The following PCDHA10 variants were observed in gnomAD, a reference collection of about 807,000 sequenced individuals.
PCDHA10 encodes the protein protocadherin alpha 10.
In PCDHA10, 45 loss-of-function variants were observed where a neutral mutation model predicts 61.2. The ratio of observed to expected loss-of-function variants is 0.74; its 90% CI spans 0.58 to 0.94. The LOEUF (loss-of-function observed/expected upper bound fraction) is 0.94. Ranked by LOEUF, PCDHA10 falls within the 40% of genes least tolerant of loss-of-function variation. PCDHA10 has a pLI of 0.00. For missense variants in PCDHA10, 1,278 were observed against 1,236.2 expected, an observed-to-expected ratio of 1.03 and a Z score of -0.51; for synonymous variants, 602 against 548.8, an observed-to-expected ratio of 1.10 and a Z score of -1.35.
chr5:140,967,114 C>T (rs782407413), intron 1 of PCDHA10: 17 of 1,612,932 alleles, frequency 1.1e-5, no homozygotes, highest in Non-Finnish European at 1.4e-5. Flanking sequence ...AGCGGCCTCG[C>T]TGCCTGCTCA....
At chr5:140,929,319 T>C in intron 1 of PCDHA10, 1 of 1,545,486 alleles carries the variant, frequency 6.5e-7, no homozygotes, top group Non-Finnish European at 8.7e-7. Flanking sequence ...CTAATGTCAA[T>C]GCCATGGTAA....
chr5:140,884,241 C>A (rs782355331), intron 1 of PCDHA10: 5 of 1,613,408 alleles, frequency 3.1e-6, no homozygotes, highest in Non-Finnish European at 4.2e-6. Flanking sequence ...GGTGAGCCCG[C>A]GCTGACGGCC....
chr5:140,896,465 C>T (rs967658819), intron 1 of PCDHA10, among the ~76,000 whole-genome samples: 8 of 151,988 alleles, frequency 5.3e-5, no homozygotes, highest in South Asian at 4.1e-4. Context: ...TGGGTTCAAG[C>T]GGTTCTCCTG....
At chr5:141,008,905 A>G (rs1212655574) in intron 3 of PCDHA10, among the ~76,000 whole-genome samples, 2 of 152,256 alleles carry the variant, frequency 1.3e-5, no homozygotes, top group African/African-American at 4.8e-5. Flanking sequence ...TAAAATTAAG[A>G]TCAAATAATT....
intron 1 of PCDHA10, among the ~76,000 whole-genome samples, chr5:140,910,641 C>G (rs1270893523): frequency 6.6e-6 from 1 of 152,206 alleles, no homozygotes; most frequent in Non-Finnish European, 1.5e-5. Context: ...CTCCCTAAAC[C>G]TTTTGATCCC....
intron 1 of PCDHA10, among the ~76,000 whole-genome samples, chr5:140,952,816 C>T (rs2094802630): frequency 6.6e-6 from 1 of 152,134 alleles, no homozygotes; most frequent in South Asian, 2.1e-4. Context: ...GCAGGCTGTA[C>T]AGGAAGCATG....
intron 1 of PCDHA10, among the ~76,000 whole-genome samples, chr5:140,888,585 AC>A (rs1327529840): frequency 4.6e-5 from 7 of 152,358 alleles, no homozygotes; most frequent in African/African-American, 1.4e-4. Flanking sequence ...ATTTGTTAGT[AC>A]ACATTCAGAG....
At chr5:140,959,331 T>C (rs1170663171) in intron 1 of PCDHA10, among the ~76,000 whole-genome samples, 1 of 152,072 alleles carries the variant, frequency 6.6e-6, no homozygotes. Flanking sequence ...GTTTTGATTA[T>C]GCTACTGCAC....
chr5:140,985,889 G>A (rs549796234), intron 3 of PCDHA10, among the ~76,000 whole-genome samples: 61 of 151,864 alleles, frequency 4.0e-4, no homozygotes, highest in Non-Finnish European at 5.7e-4. Context: ...ACAGGCGCCC[G>A]CCACCACTCC....
chr5:140,966,658 G>A (rs887585622), intron 1 of PCDHA10: 5 of 1,212,426 alleles, frequency 4.1e-6, no homozygotes, highest in Admixed American at 3.9e-5. Flanking sequence ...GAGCGGTGGG[G>A]GAGCAGGCGC....
At chr5:140,966,831 G>A in intron 1 of PCDHA10, 1 of 1,563,110 alleles carries the variant, frequency 6.4e-7, no homozygotes, top group Non-Finnish European at 8.6e-7. Flanking sequence ...CCCATGCCCT[G>A]GCTGCTGCTA....
At chr5:140,913,028 T>C (rs1483903035) in intron 1 of PCDHA10, among the ~76,000 whole-genome samples, 1 of 152,232 alleles carries the variant, frequency 6.6e-6, no homozygotes, top group Non-Finnish European at 1.5e-5. Flanking sequence ...TCAATATTCA[T>C]CAGATATATT....
chr5:140,934,236 T>C (rs532427064), intron 1 of PCDHA10, among the ~76,000 whole-genome samples: 1 of 152,290 alleles, frequency 6.6e-6, no homozygotes, highest in South Asian at 2.1e-4. Context: ...TTGTACTTAA[T>C]TGTGGAGATT....
chr5:140,925,069 C>T (rs1240618705), intron 1 of PCDHA10, among the ~76,000 whole-genome samples: 1 of 149,418 alleles, frequency 6.7e-6, no homozygotes, highest in Non-Finnish European at 1.5e-5. Context: ...AACAAAGCAA[C>T]ACGCTCATCT....
intron 1 of PCDHA10, among the ~76,000 whole-genome samples, chr5:140,950,960 A>G (rs2094536305): frequency 6.6e-6 from 1 of 151,564 alleles, no homozygotes. Flanking sequence ...CTATTGATCT[A>G]TTTTCAGATT....
At chr5:140,997,142 G>A (rs1038632915) in intron 3 of PCDHA10, among the ~76,000 whole-genome samples, 40 of 151,426 alleles carry the variant, frequency 2.6e-4, no homozygotes, top group African/African-American at 2.7e-4. Flanking sequence ...CCACACCCCC[G>A]CCACAGTGAC....
chr5:140,912,900 T>A (rs979059809), intron 1 of PCDHA10, among the ~76,000 whole-genome samples: 1 of 152,264 alleles, frequency 6.6e-6, no homozygotes, highest in Non-Finnish European at 1.5e-5. Context: ...ATATGATGTA[T>A]CATATTGATT....
In PCDHA10 at chr5:141,010,480, A is replaced by C; in HGVS notation, c.*543A>C. The C allele has an allele frequency of 1.4e-6, 1 of 696,098 alleles. No individual in the cohort carries two copies. Among genetic ancestry groups the C allele is most frequent in the Non-Finnish European group, 2.2e-6 (1 of 452,208 alleles). 43.1% of individuals were successfully genotyped at this position (696,098 alleles called of 1,614,324 possible). A position where few individuals can be genotyped will look rare whatever the true frequency, so the allele number is the denominator to read the frequency against. On this transcript the variant is annotated 3_prime_UTR_variant, in exon 4 of 4. Transcript: ENST00000307360. ...TTATCAGTATGGAGGGGAAGTGTAA[A>C]CTTAAAGGGACCAGACTTTCTAAAT...
At position 141,003,197 on chromosome 5, in the gene PCDHA10, C is replaced by T. The variant is rs77453404; in HGVS notation, c.2537-6430C>T. 6.7e-3 allele frequency among the ~76,000 whole-genome samples: 1,024 copies of T among 152,320 alleles called. 13 individuals are homozygous for T. Among genetic ancestry groups the T allele is most frequent in the African/African-American group, 0.024 (986 of 41,560 alleles). On this transcript the variant is annotated intron_variant, in intron 3 of 3. Transcript: ENST00000307360. ...GGCTCAACTCCATCAACTCAGGCAGCCAGGGTTAGTTTAGCATGAAAGAGG... is the reference window on the plus strand; with the variant it reads ...GGCTCAACTCCATCAACTCAGGCAGTCAGGGTTAGTTTAGCATGAAAGAGG...
Sources: gnomAD v4.1 joint callset for allele counts (sites outside exome capture counted in the v4.1 genomes callset) on GRCh38, gnomAD v4.1.1 for gene constraint, MANE v1.5 for transcripts, NCBI Gene and HGNC (gene_info 2026-07-23, HGNC 2026-07-21) for gene names.